Variants in PDGFRA observed in about 807,000 individuals in gnomAD.
The protein encoded by PDGFRA is platelet-derived growth factor receptor alpha.
PDGFRA carries 25 observed loss-of-function variants against 121.5 expected under a neutral mutation model. The ratio of observed to expected loss-of-function variants is 0.21; its 90% CI spans 0.15 to 0.29. PDGFRA has a LOEUF of 0.29. Among genes scored for constraint, PDGFRA ranks in the 10% least tolerant of loss-of-function variants. PDGFRA has a pLI of 1.00. For missense variants in PDGFRA, 1,008 were observed against 1,345.1 expected (o/e 0.75, Z 3.92); for synonymous variants, 463 against 494.8 (o/e 0.94, Z 0.85).
chr4:54,275,030 A>C, intron 12 of PDGFRA, 57 bp downstream of exon 12: 2 of 1,585,914 alleles, frequency 1.3e-6, no homozygotes, highest in Non-Finnish European at 1.7e-6. Flanking sequence ...ACAACTTTAC[A>C]ATTTATAGGC....
At chr4:54,278,748 G>T in intron 15 of PDGFRA, 1 of 652,560 alleles carries the variant, frequency 1.5e-6, no homozygotes, top group Non-Finnish European at 2.8e-6. Flanking sequence ...GTTTGAATGA[G>T]AGTGAGTTAG....
intron 8 of PDGFRA, among the ~76,000 whole-genome samples, chr4:54,271,506 G>C (rs1339799066): frequency 6.6e-6 from 1 of 152,048 alleles, no homozygotes; most frequent in Non-Finnish European, 1.5e-5. Context: ...GAACCTCCTT[G>C]CCTTTCAAGC....
At position 54,295,789 on chromosome 4, in the gene PDGFRA, T is replaced by C. The variant is rs1161919167; in HGVS notation, c.*517T>C. On this transcript the variant is annotated 3_prime_UTR_variant, in exon 23 of 23. Coordinates refer to ENST00000257290, the MANE Select transcript of PDGFRA (RefSeq NM_006206.6). ...TGCATGAAAAACCATTTTTGAACCT[T>C]AAAAGGTACTGGTACTATAGCATTT... is the stretch of plus-strand genomic sequence containing the variant. 1 of 244,774 alleles carries C rather than the reference T, an allele frequency of 4.1e-6. No homozygotes were observed. Among genetic ancestry groups the C allele is most frequent in the East Asian group, 5.8e-5 (1 of 17,114 alleles). The allele number at this position is 244,774 out of a possible 1,614,324, so 15.2% of individuals were successfully genotyped here. A position where few individuals can be genotyped will look rare whatever the true frequency, so the allele number is the denominator to read the frequency against.
chr4:54,231,665 C>T (rs1253947481), intron 1 of PDGFRA, among the ~76,000 whole-genome samples: 1 of 152,272 alleles, frequency 6.6e-6, no homozygotes, highest in Non-Finnish European at 1.5e-5. Context: ...CAAGGCCGAC[C>T]AGGCTCGCTT....
intron 18 of PDGFRA, among the ~76,000 whole-genome samples, chr4:54,287,034 G>A (rs1320642006): frequency 6.6e-6 from 1 of 152,112 alleles, no homozygotes; most frequent in Non-Finnish European, 1.5e-5. Flanking sequence ...TGTGATTCAT[G>A]TACTCATGTG....
At chr4:54,247,284 C>G (rs559292486) in intron 1 of PDGFRA, among the ~76,000 whole-genome samples, 1 of 152,276 alleles carries the variant, frequency 6.6e-6, no homozygotes, top group East Asian at 1.9e-4. Context: ...AATTTTAGAC[C>G]AATATCCTTG....
chr4:54,255,904 T>C (rs545791169), intron 1 of PDGFRA, among the ~76,000 whole-genome samples: 80 of 152,250 alleles, frequency 5.3e-4, no homozygotes, highest in African/African-American at 1.8e-3. Context: ...ATGGAACAAA[T>C]TGAGTCCTAT....
chr4:54,267,264 C>T (rs778866974), intron 5 of PDGFRA, 25 bp from the exon 6 acceptor site: 36 of 1,612,808 alleles, frequency 2.2e-5, no homozygotes, highest in East Asian at 2.2e-4. Context: ...TTTTAAAAGT[C>T]GGTTTTCTTC....
intron 1 of PDGFRA, chr4:54,230,548 T>C (rs1720604255): frequency 6.6e-6 from 1 of 152,150 alleles, no homozygotes. Flanking sequence ...TCCAGGAAGG[T>C]GCCGAACTTC....
chr4:54,279,098 G>A, intron 15 of PDGFRA: 1 of 296,378 alleles, frequency 3.4e-6, no homozygotes, highest in Non-Finnish European at 6.9e-6. Context: ...ATGGCCACAC[G>A]GCTCAAGTTC....
intron 12 of PDGFRA, chr4:54,276,681 C>G (rs1723744506): frequency 6.6e-6 from 1 of 152,524 alleles, no homozygotes; most frequent in Non-Finnish European, 1.5e-5. Flanking sequence ...CAGTAAGAGG[C>G]AGTGTTGGCT....
chr4:54,240,116 G>A, intron 1 of PDGFRA: 1 of 397,002 alleles, frequency 2.5e-6, no homozygotes, highest in Non-Finnish European at 5.2e-6. Context: ...GCTTCCCAAG[G>A]TACTGGGATT....
intron 1 of PDGFRA, among the ~76,000 whole-genome samples, chr4:54,241,415 A>G (rs759485329): frequency 1.9e-4 from 29 of 152,168 alleles, no homozygotes; most frequent in Non-Finnish European, 3.8e-4. Context: ...GACAAGTCAG[A>G]AAGTCCAAGC....
At position 54,277,452 on chromosome 4, in the gene PDGFRA, G is replaced by A. The variant is rs1194411887; in HGVS notation, c.1851G>A (p.Arg617=). Reference sequence around the variant, plus strand: ...AAGGAACAGCCTATGGATTAAGCCGGTCCCAACCTGTCATGAAAGTTGCAG... The same window carrying A: ...AAGGAACAGCCTATGGATTAAGCCGATCCCAACCTGTCATGAAAGTTGCAG... ...VVEGTAYGLS[R]SQPVMKVAVK... is the part of the protein sequence containing the mutation. Residue 617 remains arginine, a synonymous_variant, in exon 13 of 23, where the codon CGG becomes CGA. Transcript: ENST00000257290. 1 of 1,614,038 alleles carries A rather than the reference G, an allele frequency of 6.2e-7. No homozygotes were observed. The highest frequency in any genetic ancestry group is 1.7e-5 in the Admixed American group (1 of 60,022).
chr4:54,280,202 C>G (rs1352015893), intron 15 of PDGFRA, 114 bp from the exon 16 acceptor site: 1 of 767,904 alleles, frequency 1.3e-6, no homozygotes, highest in Non-Finnish European at 2.3e-6. Context: ...TTGCTTTTAC[C>G]CAGTTAGCTC....
At chr4:54,262,103 T>C (rs1722779682) in intron 3 of PDGFRA, among the ~76,000 whole-genome samples, 1 of 151,876 alleles carries the variant, frequency 6.6e-6, no homozygotes, top group Admixed American at 6.6e-5. Context: ...AGCTAATTTT[T>C]ATATTAGTTG....
At chr4:54,244,756 G>A (rs1404422110) in intron 1 of PDGFRA, among the ~76,000 whole-genome samples, 14 of 152,172 alleles carry the variant, frequency 9.2e-5, no homozygotes, top group Non-Finnish European at 1.3e-4. Context: ...GGCTTCAGAC[G>A]ATCAAACTAC....
intron 1 of PDGFRA, among the ~76,000 whole-genome samples, chr4:54,240,615 T>C (rs1235493363): frequency 6.6e-6 from 1 of 152,224 alleles, no homozygotes; most frequent in Admixed American, 6.5e-5. Context: ...AATGCTTTGC[T>C]CCAGGAGGTG....
chr4:54,265,133 T>G, intron 5 of PDGFRA, 84 bp downstream of exon 5: 1 of 1,298,268 alleles, frequency 7.7e-7, no homozygotes, highest in Non-Finnish European at 1.1e-6. Flanking sequence ...CTGTCACTGA[T>G]GGGCACATCA....
Sources: gnomAD v4.1 joint callset for allele counts (sites outside exome capture counted in the v4.1 genomes callset) on GRCh38, gnomAD v4.1.1 for gene constraint, MANE v1.5 for transcripts, NCBI Gene and HGNC (gene_info 2026-07-23, HGNC 2026-07-21) for gene names.